Variants in ITIH3 observed in about 807,000 individuals in gnomAD.
ITIH3 encodes inter-alpha-trypsin inhibitor heavy chain H3.
A neutral mutation model predicts 96.5 loss-of-function variants in ITIH3; 81 were observed. The observed-to-expected ratio is 0.84, with a 90% CI of 0.70 to 1.01. The LOEUF (loss-of-function observed/expected upper bound fraction) is 1.01. ITIH3 is among the 50% of genes least tolerant of loss of function. The pLI is 0.00. For synonymous variants in ITIH3, 422 were observed against 445.2 expected (o/e 0.95, Z 0.66); for missense variants, 1,057 against 1,139.3 (o/e 0.93, Z 1.04).
At chr3:52,804,817 G>A in intron 15 of ITIH3, 83 bp downstream of exon 15, 3 of 1,485,654 alleles carry the variant, frequency 2.0e-6, no homozygotes, top group Non-Finnish European at 2.8e-6. Context: ...AGCAAGATAG[G>A]ACCCCCAGCC....
At chr3:52,796,678 C>T (rs1314307109) in intron 3 of ITIH3, 31 bp downstream of exon 3, 1 of 1,607,002 alleles carries the variant, frequency 6.2e-7, no homozygotes, top group Non-Finnish European at 8.5e-7. Flanking sequence ...TGGCTCTGGG[C>T]TCGGGAACAG....
At position 52,807,761 on chromosome 3, in the gene ITIH3, T is replaced by C. The variant is rs566350837; in HGVS notation, c.2276T>C (p.Ile759Thr). The change falls in exon 20 of 22, where the codon ATC (isoleucine) becomes ACC (threonine). Residue 759 changes from isoleucine (I) to threonine (T), a missense_variant. Ile to Thr is a moderately conservative substitution (Grantham distance 89). Coordinates refer to ENST00000449956, the MANE Select transcript of ITIH3 (RefSeq NM_002217.4). ...TCCTCTCGTAGGCTGTCCATGATGA[T>C]CAACAGGAAGAACATGGTGGTCTCC... The part of the protein sequence containing the change: ...TVTQDGLSMM[I>T]NRKNMVVSFG... The C allele has an allele frequency of 4.3e-6, 7 of 1,611,076 alleles. No homozygotes were observed. Among genetic ancestry groups the C allele is most frequent in the Non-Finnish European group, 5.9e-6 (7 of 1,178,788 alleles).
At chr3:52,797,391 G>A in intron 5 of ITIH3, 124 bp downstream of exon 5, 1 of 1,057,928 alleles carries the variant, frequency 9.5e-7, no homozygotes. Context: ...ATCCTTGGCT[G>A]GGAAGGCTGG....
At chr3:52,802,143 C>G (rs1052990704) in intron 11 of ITIH3, 191 bp from the exon 12 acceptor site, 8 of 542,052 alleles carry the variant, frequency 1.5e-5, no homozygotes, top group African/African-American at 9.5e-5. Flanking sequence ...TCTAGTCTTC[C>G]TCGTGTCTAT....
At chr3:52,802,867 C>A (rs1699890595) in intron 13 of ITIH3, 61 bp downstream of exon 13, 5 of 1,579,908 alleles carry the variant, frequency 3.2e-6, no homozygotes, top group South Asian at 1.1e-5. Context: ...TGCAAGGGCA[C>A]CCCCATACGC....
At chr3:52,808,037 C>A (rs1323379590) in intron 20 of ITIH3, 73 bp from the exon 21 acceptor site, 2 of 1,578,278 alleles carry the variant, frequency 1.3e-6, no homozygotes, top group African/African-American at 1.3e-5. Context: ...TTTGCATCAA[C>A]CCTGAAAGGC....
chr3:52,799,402 G>T lies in ITIH3; in HGVS notation c.820G>T (p.Ala274Ser). 1.2e-6 allele frequency: 2 copies of T among 1,607,872 alleles called. No homozygotes were observed. Among genetic ancestry groups the T allele is most frequent in the Non-Finnish European group, 1.7e-6 (2 of 1,177,300 alleles). Reference sequence around the variant, plus strand: ...CAATGGCTACTTCGTGCACTTCTTTGCACCTCAAGGCCTTCCAGTGGTGCC... The same window carrying T: ...CAATGGCTACTTCGTGCACTTCTTTTCACCTCAAGGCCTTCCAGTGGTGCC... Reference protein sequence around the residue: ...IVNGYFVHFFAPQGLPVVPKN... With the variant: ...IVNGYFVHFFSPQGLPVVPKN... Residue 274 changes from alanine to serine, a missense_variant, in exon 8 of 22, where the codon GCA becomes TCA. Transcript: ENST00000449956.
intron 13 of ITIH3, 130 bp downstream of exon 13, chr3:52,802,936 T>C: frequency 3.7e-6 from 4 of 1,086,678 alleles, no homozygotes; most frequent in Non-Finnish European, 5.2e-6. Flanking sequence ...TAGAGCAGTC[T>C]GTAAGGAACC....
chr3:52,800,653 T>C lies in ITIH3; in HGVS notation c.1191T>C (p.Asp397=). The C allele has an allele frequency of 1.9e-6, 3 of 1,598,422 alleles. No individual in the cohort carries two copies. The highest frequency in any genetic ancestry group is 2.6e-6 in the Non-Finnish European group (3 of 1,172,616). ...TTGTCATCATGCTGACTGATGGGGA[T>C]GCCAATGTTGGTGAGGAGCACGGGC... is the stretch of plus-strand genomic sequence containing the variant. The part of the protein sequence containing the change: ...TSIVIMLTDG[D]ANVGESRPEK... The change falls in exon 10 of 22, where the codon GAT becomes GAC. Residue 397 remains aspartate (D), a synonymous_variant. Transcript: ENST00000449956.
chr3:52,801,959 T>C (rs1699845797), intron 11 of ITIH3, among the ~76,000 whole-genome samples: 1 of 152,228 alleles, frequency 6.6e-6, no homozygotes, highest in Non-Finnish European at 1.5e-5. Flanking sequence ...CTCCTCTGTC[T>C]CCAGATCTCT....
At chr3:52,800,019 G>C in intron 9 of ITIH3, 98 bp downstream of exon 9, 1 of 1,174,716 alleles carries the variant, frequency 8.5e-7, no homozygotes, top group Non-Finnish European at 1.2e-6. Flanking sequence ...CTGGTCTCAG[G>C]CCCTCTTCAG....
At chr3:52,804,412 C>T (rs960936560) in intron 14 of ITIH3, 1 of 448,340 alleles carries the variant, frequency 2.2e-6, no homozygotes, top group Non-Finnish European at 4.0e-6. Flanking sequence ...GCTGGGACCC[C>T]CTCAACCAGA....
chr3:52,805,875 T>G, intron 16 of ITIH3, 35 bp downstream of exon 16: 1 of 1,610,130 alleles, frequency 6.2e-7, no homozygotes, highest in South Asian at 1.1e-5. Flanking sequence ...CTCCTCCCAC[T>G]GCTTAGAGCC....
chr3:52,804,858 G>GA, intron 15 of ITIH3, 124 bp downstream of exon 15: 4 of 1,073,188 alleles, frequency 3.7e-6, no homozygotes, highest in South Asian at 1.4e-5. Flanking sequence ...CCTGGGCTCA[G>GA]GCCCAGCCCT....
intron 19 of ITIH3, 74 bp from the exon 20 acceptor site, chr3:52,807,673 A>C: frequency 6.7e-7 from 1 of 1,485,426 alleles, no homozygotes; most frequent in Non-Finnish European, 9.1e-7. Flanking sequence ...AGGCCCCACC[A>C]AAACGCCCTT....
chr3:52,807,998 G>A, intron 20 of ITIH3, 82 bp downstream of exon 20: 1 of 1,574,694 alleles, frequency 6.4e-7, no homozygotes, highest in Non-Finnish European at 8.7e-7. Context: ...TAGGCACCCT[G>A]TACCCAGCTC....
At chr3:52,800,453 C>T in intron 9 of ITIH3, 85 bp from the exon 10 acceptor site, 1 of 1,500,124 alleles carries the variant, frequency 6.7e-7, no homozygotes, top group Non-Finnish European at 9.0e-7. Context: ...GTGGGGCCGG[C>T]TGTCCCGGCC....
At chr3:52,805,651 G>A (rs1204123667) in intron 15 of ITIH3, 157 bp from the exon 16 acceptor site, 10 of 1,461,848 alleles carry the variant, frequency 6.8e-6, no homozygotes, top group African/African-American at 2.9e-5. Context: ...GGACGTGCCC[G>A]ATTTCCAAAG....
intron 15 of ITIH3, chr3:52,805,492 G>A (rs1700003959): frequency 8.6e-7 from 1 of 1,160,616 alleles, no homozygotes; most frequent in Non-Finnish European, 1.1e-6. Flanking sequence ...TAGGGGGTGG[G>A]AAGCCCAGGG....
Sources: allele counts gnomAD v4.1 joint callset (sites outside exome capture counted in the v4.1 genomes callset), GRCh38; gene constraint gnomAD v4.1.1; transcripts MANE v1.5; gene names NCBI Gene and HGNC (gene_info 2026-07-23, HGNC 2026-07-21).